Variants in SLC4A4 observed in about 807,000 individuals in gnomAD.
SLC4A4 encodes the protein solute carrier family 4 member 4.
SLC4A4 carries 27 observed loss-of-function variants against 111.5 expected under a neutral mutation model. The ratio of observed to expected loss-of-function variants is 0.24; its 90% CI spans 0.18 to 0.33. The LOEUF is 0.33. Among genes scored for constraint, SLC4A4 ranks in the 10% least tolerant of loss-of-function variants. SLC4A4 has a pLI of 1.00. For synonymous variants in SLC4A4, 443 were observed against 463.4 expected (o/e 0.96, Z 0.57); for missense variants, 909 against 1,315.5 (o/e 0.69, Z 4.78).
intron 2 of SLC4A4, among the ~76,000 whole-genome samples, chr4:71,238,934 A>G (rs1719994088): frequency 6.6e-6 from 1 of 152,184 alleles, no homozygotes; most frequent in South Asian, 2.1e-4. Context: ...GAAGAAACAG[A>G]CGGCCTATGT....
chr4:71,537,541 G>A lies in SLC4A4; in HGVS notation c.2442+3153G>A, dbSNP rs375115815. 4.0e-4 allele frequency among the ~76,000 whole-genome samples: 61 copies of A among 152,040 alleles called. 1 individual carries two copies. In the East Asian group the frequency reaches 0.012, roughly 29 times the overall value. On this transcript the variant is annotated intron_variant, in intron 18 of 25. Coordinates refer to ENST00000264485, the MANE Select transcript of SLC4A4 (RefSeq NM_001098484.3). Reference sequence around the variant, plus strand: ...TACAAGTTTGCCTTAGGAATTTCGAGGCCACAGAGATAATGTGAATTCCAG... The same window carrying A: ...TACAAGTTTGCCTTAGGAATTTCGAAGCCACAGAGATAATGTGAATTCCAG...
At chr4:71,484,278 G>A (rs890023657) in intron 14 of SLC4A4, among the ~76,000 whole-genome samples, 14 of 151,856 alleles carry the variant, frequency 9.2e-5, no homozygotes, top group Admixed American at 6.6e-4. Context: ...TATTGCCTAC[G>A]TTGTCTTCTA....
At chr4:71,462,006 T>C (rs1165713870) in intron 12 of SLC4A4, among the ~76,000 whole-genome samples, 1 of 151,886 alleles carries the variant, frequency 6.6e-6, no homozygotes, top group Non-Finnish European at 1.5e-5. Context: ...CTAAAGAGGC[T>C]TTTTTTTACC....
intron 2 of SLC4A4, among the ~76,000 whole-genome samples, chr4:71,146,593 G>C (rs1744177954): frequency 6.6e-6 from 1 of 152,116 alleles, no homozygotes; most frequent in Admixed American, 6.6e-5. Flanking sequence ...AAGTCTCTTT[G>C]AAGGTCACTA....
intron 3 of SLC4A4, among the ~76,000 whole-genome samples, chr4:71,273,354 T>C (rs1461720528): frequency 6.6e-6 from 1 of 152,138 alleles, no homozygotes; most frequent in Non-Finnish European, 1.5e-5. Flanking sequence ...AACTTAAAAA[T>C]AATTGGGGCA....
chr4:71,361,907 G>T lies in SLC4A4; in HGVS notation c.730+4720G>T, dbSNP rs114701078. The stretch of plus-strand genomic sequence containing the variant: ...ATATTTAGTAAGATGTTTATGACAA[G>T]CATAACAACTGCATTTTAAAAAGTT... On this transcript the variant is annotated intron_variant, in intron 6 of 25. Transcript: ENST00000264485. Among the ~76,000 whole-genome samples the T allele has an allele frequency of 3.4e-3, 522 of 152,220 alleles. 4 individuals are homozygous for T. The highest frequency in any genetic ancestry group is 0.012 in the African/African-American group (505 of 41,550).
intron 2 of SLC4A4, among the ~76,000 whole-genome samples, chr4:71,157,591 T>C (rs1744513385): frequency 6.6e-6 from 1 of 152,218 alleles, no homozygotes; most frequent in Non-Finnish European, 1.5e-5. Flanking sequence ...TACAAATTCA[T>C]AGCTCTGAAA....
At chr4:71,236,480 C>T (rs1167965484) in intron 1 of SLC4A4, 96 bp from the exon 2 acceptor site, 111 of 1,102,366 alleles carry the variant, frequency 1.0e-4, no homozygotes, top group South Asian at 1.6e-4. Flanking sequence ...ACATGAACAA[C>T]AGCTTGCAGG....
At chr4:71,148,254 C>T (rs1744230697) in intron 2 of SLC4A4, among the ~76,000 whole-genome samples, 1 of 152,174 alleles carries the variant, frequency 6.6e-6, no homozygotes, top group Admixed American at 6.6e-5. Flanking sequence ...AGCTCTTCTT[C>T]ATATTGAGTC....
At chr4:71,174,308 G>A (rs1298621282) in intron 2 of SLC4A4, among the ~76,000 whole-genome samples, 3 of 150,978 alleles carry the variant, frequency 2.0e-5, no homozygotes, top group African/African-American at 7.3e-5. Context: ...TGAGCACAGA[G>A]GTATGATCTC....
At chr4:71,527,516 G>A (rs904092110) in intron 16 of SLC4A4, among the ~76,000 whole-genome samples, 4 of 152,042 alleles carry the variant, frequency 2.6e-5, no homozygotes, top group Non-Finnish European at 5.9e-5. Context: ...GGCCAGGGAA[G>A]AGGAGCCAGG....
chr4:71,237,574 C>G (rs1364488473), intron 2 of SLC4A4, among the ~76,000 whole-genome samples: 3 of 152,050 alleles, frequency 2.0e-5, no homozygotes, highest in African/African-American at 7.2e-5. Context: ...GTGCCAGCCC[C>G]AAACTTGAAC....
At chr4:71,124,784 C>A (rs188307572) in intron 2 of SLC4A4, among the ~76,000 whole-genome samples, 1 of 152,238 alleles carries the variant, frequency 6.6e-6, no homozygotes, top group Non-Finnish European at 1.5e-5. Context: ...ATCTCCAAAG[C>A]GAGGGGTGTG....
chr4:71,259,883 C>T (rs1257477120), intron 3 of SLC4A4, among the ~76,000 whole-genome samples: 2 of 152,168 alleles, frequency 1.3e-5, no homozygotes, highest in Non-Finnish European at 2.9e-5. Context: ...ACAAACAGAA[C>T]ATCGTGTTCA....
At chr4:71,306,620 G>A (rs1459910908) in intron 3 of SLC4A4, among the ~76,000 whole-genome samples, 1 of 152,066 alleles carries the variant, frequency 6.6e-6, no homozygotes, top group African/African-American at 2.4e-5. Flanking sequence ...ATTATTAAAT[G>A]GAAAAAATTA....
chr4:71,255,322 G>A lies in SLC4A4; in HGVS notation c.176G>A (p.Arg59Lys). The part of the protein sequence containing the change: ...TGHKEKKEKE[R>K]ISENYSDKSD... Reference sequence around the variant, plus strand: ...CACAAAGAAAAGAAGGAAAAGGAGAGAATCTCTGAGAACTACTCTGACAAA... The same window carrying A: ...CACAAAGAAAAGAAGGAAAAGGAGAAAATCTCTGAGAACTACTCTGACAAA... Residue 59 changes from arginine to lysine, a missense_variant, in exon 3 of 26, where the codon AGA (arginine) becomes AAA (lysine). Coordinates refer to ENST00000264485, the MANE Select transcript of SLC4A4 (RefSeq NM_001098484.3). 1 of 1,611,652 alleles carries A rather than the reference G, an allele frequency of 6.2e-7. No homozygotes were observed. Among genetic ancestry groups the A allele is most frequent in the Non-Finnish European group, 8.5e-7 (1 of 1,177,920 alleles).
At chr4:71,107,287 A>G (rs1198725455) in intron 2 of SLC4A4, among the ~76,000 whole-genome samples, 1 of 152,020 alleles carries the variant, frequency 6.6e-6, no homozygotes, top group Non-Finnish European at 1.5e-5. Context: ...TATATGTCTT[A>G]TATCTTTTTT....
chr4:71,526,058 T>TCTACTTCTACTATGTCAGTTTTGC (rs1733389950), intron 16 of SLC4A4, among the ~76,000 whole-genome samples: 1 of 152,064 alleles, frequency 6.6e-6, no homozygotes, highest in African/African-American at 2.4e-5. Flanking sequence ...TAGGGCACTT[T>TCTACTTCTACTATGTCAGTTTTGC]CTACTTCTAC....
intron 2 of SLC4A4, among the ~76,000 whole-genome samples, chr4:71,142,596 G>C (rs924514478): frequency 6.6e-6 from 1 of 152,076 alleles, no homozygotes; most frequent in East Asian, 1.9e-4. Flanking sequence ...ATCCAGTAAT[G>C]ACATAGCCGA....
Sources: gnomAD v4.1 joint callset for allele counts (sites outside exome capture counted in the v4.1 genomes callset) on GRCh38, gnomAD v4.1.1 for gene constraint, MANE v1.5 for transcripts, NCBI Gene and HGNC (gene_info 2026-07-23, HGNC 2026-07-21) for gene names.